The following TLK2 variants were observed in gnomAD, a reference collection of about 807,000 sequenced individuals.
TLK2 encodes the protein serine/threonine-protein kinase tousled-like 2.
In TLK2, 6 loss-of-function variants were observed where a neutral mutation model predicts 117.3. That is an observed-to-expected ratio of 0.05 (90% CI 0.03 to 0.10). TLK2 has a LOEUF of 0.10. Among genes scored for constraint, TLK2 ranks in the 10% least tolerant of loss-of-function variants. The pLI is 1.00. For missense variants in TLK2, 299 were observed against 901.2 expected (o/e 0.33, Z 8.56); for synonymous variants, 257 against 316.7 (o/e 0.81, Z 2.00).
intron 16 of TLK2, among the ~76,000 whole-genome samples, chr17:62,594,847 C>T (rs189030636): frequency 7.9e-5 from 12 of 152,020 alleles, no homozygotes. Flanking sequence ...GTGGGTATGC[C>T]GGTGAACCCA....
intron 2 of TLK2, among the ~76,000 whole-genome samples, chr17:62,509,235 T>G (rs2074961794): frequency 6.6e-6 from 1 of 152,234 alleles, no homozygotes; most frequent in South Asian, 2.1e-4. Flanking sequence ...ACCACAGGCA[T>G]GGGCCACCAC....
At chr17:62,471,677 G>A (rs2598158) in intron 1 of TLK2, among the ~76,000 whole-genome samples, 2 of 132,178 alleles carry the variant, frequency 1.5e-5, no homozygotes, top group Middle Eastern at 7.8e-3. Context: ...GCGTCGGCTC[G>A]GCCCGGCTCC....
chr17:62,523,650 A>G (rs2076193266), intron 5 of TLK2, among the ~76,000 whole-genome samples: 1 of 152,178 alleles, frequency 6.6e-6, no homozygotes, highest in South Asian at 2.1e-4. Context: ...CATCTTCATC[A>G]GTTAATGCTG....
In TLK2 at chr17:62,615,280, A is replaced by G. The variant is rs1194682454; in HGVS notation, c.*2715A>G. On this transcript the variant is annotated 3_prime_UTR_variant, in exon 22 of 22. Transcript: ENST00000346027. ...CTTTCAAGCAGCCAGTGAAATCACT[A>G]AGTGGGGTTCTTCCATGACATATTT... is the stretch of plus-strand genomic sequence containing the variant. 6.6e-6 allele frequency: 1 copy of G among 152,204 alleles called. No individual in the cohort carries two copies. The highest frequency in any genetic ancestry group is 1.5e-5 in the Non-Finnish European group (1 of 68,044). 9.4% of individuals were successfully genotyped at this position (152,204 alleles called of 1,614,324 possible).
intron 19 of TLK2, among the ~76,000 whole-genome samples, chr17:62,605,858 C>A (rs1371981407): frequency 1.3e-5 from 2 of 151,448 alleles, no homozygotes; most frequent in Admixed American, 6.6e-5. Context: ...TTTTTAAAAA[C>A]TACCCAGGCA....
chr17:62,594,494 T>C (rs1014032145), intron 16 of TLK2, among the ~76,000 whole-genome samples: 2 of 152,152 alleles, frequency 1.3e-5, no homozygotes. Context: ...AAACAAGGTG[T>C]AACAAAACCA....
At chr17:62,596,830 G>A (rs183048192) in intron 17 of TLK2, among the ~76,000 whole-genome samples, 156 bp downstream of exon 17, 16 of 152,308 alleles carry the variant, frequency 1.1e-4, no homozygotes, top group Admixed American at 7.8e-4. Flanking sequence ...ATTTGGATCA[G>A]CAAGAAACCT....
intron 2 of TLK2, among the ~76,000 whole-genome samples, chr17:62,488,872 C>G (rs565873290): frequency 1.5e-5 from 2 of 134,112 alleles, no homozygotes; most frequent in South Asian, 2.3e-4. Context: ...GTCACCCAGG[C>G]TGGAGTGAAG....
intron 21 of TLK2, among the ~76,000 whole-genome samples, chr17:62,608,898 C>T (rs2083514362): frequency 6.6e-6 from 1 of 152,196 alleles, no homozygotes; most frequent in Admixed American, 6.5e-5. Flanking sequence ...GAAAAGGAAG[C>T]TATAAATAAT....
intron 9 of TLK2, among the ~76,000 whole-genome samples, chr17:62,555,194 C>T (rs1171452587): frequency 6.6e-6 from 1 of 152,134 alleles, no homozygotes; most frequent in Non-Finnish European, 1.5e-5. Flanking sequence ...GCTACTGTGA[C>T]ACTGCAAGGT....
At chr17:62,589,450 CTGTATT>C (rs963818952) in intron 16 of TLK2, among the ~76,000 whole-genome samples, 2 of 152,118 alleles carry the variant, frequency 1.3e-5, no homozygotes, top group African/African-American at 4.8e-5. Context: ...ATTAAATTCT[CTGTATT>C]TGTAGTGCAT....
upstream of TLK2, among the ~76,000 whole-genome samples, chr17:62,478,509 C>A (rs909406260): frequency 6.7e-6 from 1 of 149,784 alleles, no homozygotes; most frequent in African/African-American, 2.4e-5. Context: ...TCGCAGGGCG[C>A]CCCGGGCCGC....
Position 62,479,299 on chromosome 17 carries a change from C to T in TLK2, c.-6+9C>T. The T allele has an allele frequency of 6.1e-6, 1 of 164,330 alleles. No homozygotes were observed. Among genetic ancestry groups the T allele is most frequent in the East Asian group, 1.8e-4 (1 of 5,542 alleles). 10.2% of individuals were successfully genotyped at this position (164,330 alleles called of 1,614,324 possible). A position where few individuals can be genotyped will look rare whatever the true frequency, so the allele number is the denominator to read the frequency against. On this transcript the variant is annotated intron_variant, in intron 1 of 21. Transcript: ENST00000346027. The stretch of plus-strand genomic sequence containing the variant: ...GGCGGCGGCGGCGGCAGGTGAGAGG[C>T]TGAGCCCCGGGCGGGGGAGGACTCC...
chr17:62,527,566 T>C (rs1162702407), intron 6 of TLK2, among the ~76,000 whole-genome samples: 1 of 152,158 alleles, frequency 6.6e-6, no homozygotes, highest in African/African-American at 2.4e-5. Context: ...AGACATTCAG[T>C]GTATACTCTT....
At chr17:62,524,400 A>T (rs1336439236) in intron 6 of TLK2, 69 bp downstream of exon 6, 2 of 1,497,254 alleles carry the variant, frequency 1.3e-6, no homozygotes, top group Non-Finnish European at 1.8e-6. Context: ...ACTCAAGCAA[A>T]GTTTCTCTTT....
At chr17:62,511,311 T>C (rs542010702) in intron 2 of TLK2, among the ~76,000 whole-genome samples, 1 of 152,344 alleles carries the variant, frequency 6.6e-6, no homozygotes, top group Non-Finnish European at 1.5e-5. Flanking sequence ...CAACTACAGA[T>C]CTATTTTCCT....
intron 2 of TLK2, among the ~76,000 whole-genome samples, chr17:62,513,398 C>T (rs1237327340): frequency 2.1e-5 from 3 of 144,044 alleles, no homozygotes; most frequent in Non-Finnish European, 4.5e-5. Context: ...TCATAATTCA[C>T]TGTAACCTTG....
rs2598142 is a variant in TLK2 at position 62,509,106 on chromosome 17, C to T, written c.82-11667C>T. ...TTTATTTATTTATTTATTTATTTTT[C>T]GAGACAGGGTCTTGCTCTGTCACCC... On this transcript the variant is annotated intron_variant, in intron 2 of 21. Coordinates refer to ENST00000346027, the MANE Select transcript of TLK2 (RefSeq NM_006852.6). Among the ~76,000 whole-genome samples, 83 of 152,112 alleles carry T rather than the reference C, an allele frequency of 5.5e-4. 1 individual carries two copies. The highest frequency in any genetic ancestry group is 5.0e-3 in the East Asian group (26 of 5,184).
intron 13 of TLK2, among the ~76,000 whole-genome samples, chr17:62,577,065 C>T (rs1358332884): frequency 6.6e-6 from 1 of 151,544 alleles, no homozygotes; most frequent in African/African-American, 2.4e-5. Flanking sequence ...CGGGCTCAAG[C>T]GATTCTCGTG....
Sources: allele counts gnomAD v4.1 joint callset (sites outside exome capture counted in the v4.1 genomes callset), GRCh38; gene constraint gnomAD v4.1.1; transcripts MANE v1.5; gene names NCBI Gene and HGNC (gene_info 2026-07-23, HGNC 2026-07-21).